The following FADS2 variants were observed in gnomAD, a reference collection of about 807,000 sequenced individuals.
The protein encoded by FADS2 is fatty acid desaturase 2.
FADS2 carries 18 observed loss-of-function variants against 61.2 expected under a neutral mutation model. That is an observed-to-expected ratio of 0.29 (90% CI 0.20 to 0.44). The LOEUF (loss-of-function observed/expected upper bound fraction) is 0.44. FADS2 is among the 20% of genes least tolerant of loss of function. The pLI is 1.00. For synonymous variants in FADS2, 203 were observed against 223.9 expected, an observed-to-expected ratio of 0.91 and a Z score of 0.83; for missense variants, 322 against 572.7, an observed-to-expected ratio of 0.56 and a Z score of 4.47.
chr11:61,853,116 C>G (rs939752886), intron 5 of FADS2, among the ~76,000 whole-genome samples: 1 of 152,280 alleles, frequency 6.6e-6, no homozygotes, highest in African/African-American at 2.4e-5. Context: ...GATAGCACCA[C>G]TGCACTCCAG....
Position 61,862,968 on chromosome 11 carries a change from G to A in FADS2, c.883-4G>A, listed in dbSNP as rs759670963. ...GTTGCACCTAACTTCATCTTTCCCC[G>A]CAGGACCTGGCCTGGGCCGTCAGCT... On this transcript the variant is annotated splice_region_variant and splice_polypyrimidine_tract_variant and intron_variant, in intron 7 of 11. Coordinates refer to ENST00000278840, the MANE Select transcript of FADS2 (RefSeq NM_004265.4). 69 of 1,613,648 alleles carry A rather than the reference G, an allele frequency of 4.3e-5. No individual in the cohort carries two copies. The highest frequency in any genetic ancestry group is 8.8e-5 in the South Asian group (8 of 91,084).
chr11:61,828,489 C>G lies in FADS2; in HGVS notation c.99C>G (p.Thr33=), dbSNP rs149260337. ...WEEIQKHNLR[T]DRWLVIDRKV... Reference sequence around the variant, plus strand: ...AGATTCAGAAGCATAACCTGCGCACCGACAGGTGGCTGGTCATTGACCGCA... The same window carrying G: ...AGATTCAGAAGCATAACCTGCGCACGGACAGGTGGCTGGTCATTGACCGCA... Residue 33 remains threonine (T), a synonymous_variant, in exon 1 of 12, where the codon ACC becomes ACG. Transcript: ENST00000278840. The surrounding 1 kb of genome is among the most constrained non-coding windows in gnomAD (Gnocchi z 6.4). The G allele has an allele frequency of 1.2e-6, 2 of 1,612,728 alleles. No homozygotes were observed. Among genetic ancestry groups the G allele is most frequent in the East Asian group, 4.5e-5 (2 of 44,810 alleles).
chr11:61,837,801 T>A lies in FADS2; in HGVS notation c.231T>A (p.Pro77=). The change falls in exon 2 of 12, where the codon CCT becomes CCA. Residue 77 remains proline (P), a synonymous_variant. Coordinates refer to ENST00000278840, the MANE Select transcript of FADS2 (RefSeq NM_004265.4). ...AGGATGCCTTCCGCGCCTTCCACCC[T>A]GACCTGGAATTCGTGGGCAAGTTCT... ...DATDAFRAFH[P]DLEFVGKFLK... 1 of 1,613,246 alleles carries A rather than the reference T, an allele frequency of 6.2e-7. No individual in the cohort carries two copies. The highest frequency in any genetic ancestry group is 8.5e-7 in the Non-Finnish European group (1 of 1,179,618).
upstream of FADS2, chr11:61,826,134 C>G (rs2067083286): frequency 1.4e-6 from 1 of 702,550 alleles, no homozygotes; most frequent in African/African-American, 1.7e-5. Flanking sequence ...AAGCCTCCTC[C>G]ATGGTAAAGT....
At chr11:61,848,313 G>C (rs1248054440) in intron 5 of FADS2, 29 bp downstream of exon 5, 1 of 1,610,868 alleles carries the variant, frequency 6.2e-7, no homozygotes, top group African/African-American at 1.3e-5. Context: ...TGTTGACCTA[G>C]GAAGTGTTTG....
intron 1 of FADS2, among the ~76,000 whole-genome samples, chr11:61,832,723 G>A (rs1221873760): frequency 6.6e-6 from 1 of 152,194 alleles, no homozygotes; most frequent in African/African-American, 2.4e-5. Context: ...CAGCATCCCT[G>A]TCTTGCTCTT....
chr11:61,863,494 C>A, intron 9 of FADS2, 116 bp downstream of exon 9: 1 of 870,672 alleles, frequency 1.1e-6, no homozygotes, highest in Non-Finnish European at 1.9e-6. Context: ...TGCCTGTGTC[C>A]TTTTGCTGGG....
intron 1 of FADS2, among the ~76,000 whole-genome samples, chr11:61,831,413 T>A (rs548164088): frequency 5.5e-4 from 84 of 152,208 alleles, no homozygotes; most frequent in African/African-American, 2.0e-3. Flanking sequence ...AACACAAGGC[T>A]GGAAACAGGT....
intron 4 of FADS2, among the ~76,000 whole-genome samples, chr11:61,841,867 T>A (rs779746341): frequency 2.6e-5 from 4 of 151,698 alleles, no homozygotes; most frequent in Non-Finnish European, 5.9e-5. Flanking sequence ...AGTGCAGGAG[T>A]TAAGGAAGTT....
rs201127028 is a variant in FADS2, at chr11:61,862,926, G to A, written c.883-46G>A. On this transcript the variant is annotated intron_variant, in intron 7 of 11. Transcript: ENST00000278840. ...ATCTGGGGCACGCACTTGGTGCCAG[G>A]GCAGAGGAGAGGGCAGGTTGCACCT... 33 of 1,502,860 alleles carry A rather than the reference G, an allele frequency of 2.2e-5. No homozygotes were observed. The Admixed American group carries it at 4.5e-4, about 21-fold the overall frequency. 93.1% of individuals were successfully genotyped at this position (1,502,860 alleles called of 1,614,324 possible). A position where few individuals can be genotyped will look rare whatever the true frequency, so the allele number is the denominator to read the frequency against.
At chr11:61,859,896 G>C (rs1391965657) in intron 7 of FADS2, among the ~76,000 whole-genome samples, 1 of 152,232 alleles carries the variant, frequency 6.6e-6, no homozygotes, top group East Asian at 1.9e-4. Flanking sequence ...TGAGGCAGGA[G>C]AATTGCTTGA....
chr11:61,846,415 T>TTA (rs1565332260), intron 4 of FADS2, among the ~76,000 whole-genome samples: 1 of 134,792 alleles, frequency 7.4e-6, no homozygotes, highest in African/African-American at 2.9e-5. Flanking sequence ...TGACTTTTTT[T>TTA]TTTTTTTTCT....
intron 1 of FADS2, among the ~76,000 whole-genome samples, chr11:61,817,586 C>A (rs1449192631): frequency 6.6e-6 from 1 of 152,050 alleles, no homozygotes; most frequent in Non-Finnish European, 1.5e-5. Context: ...GAGTGATGAT[C>A]CTAGCGTCTC....
Position 61,865,178 on chromosome 11 carries a change from A to G in FADS2, c.1184A>G (p.Asn395Ser), listed in dbSNP as rs1373621717. Reference sequence around the variant, plus strand: ...CTCTTCCCCACCATGCCCCGGCACAACTTACACAAGATCGCCCCGCTGGTG... The same window carrying G: ...CTCTTCCCCACCATGCCCCGGCACAGCTTACACAAGATCGCCCCGCTGGTG... ...HHLFPTMPRHNLHKIAPLVKS... is the reference protein window; with the variant it reads ...HHLFPTMPRHSLHKIAPLVKS... Residue 395 changes from asparagine (N) to serine (S), a missense_variant, in exon 11 of 12, where the codon AAC (asparagine) becomes AGC (serine). This residue lies in a region of FADS2 where 221 missense variants were observed against 427.9 expected (regional missense o/e 0.52). Coordinates refer to ENST00000278840, the MANE Select transcript of FADS2 (RefSeq NM_004265.4). The surrounding 1 kb of genome is among the most constrained non-coding windows in gnomAD (Gnocchi z 4.1). 5.0e-6 allele frequency: 8 copies of G among 1,613,738 alleles called. No homozygotes were observed. Among genetic ancestry groups the G allele is most frequent in the Non-Finnish European group, 5.9e-6 (7 of 1,179,978 alleles).
chr11:61,818,404 C>T (rs936014485), intron 1 of FADS2, among the ~76,000 whole-genome samples: 2 of 152,164 alleles, frequency 1.3e-5, no homozygotes, highest in African/African-American at 2.4e-5. Flanking sequence ...AAACCTTGCC[C>T]AACAACTTGG....
Position 61,865,926 on chromosome 11 carries a change from A to G in FADS2, c.*237A>G. 1 of 566,130 alleles carries G rather than the reference A, an allele frequency of 1.8e-6. No homozygotes were observed. The highest frequency in any genetic ancestry group is 3.2e-6 in the Non-Finnish European group (1 of 317,112). 35.1% of individuals were successfully genotyped at this position (566,130 alleles called of 1,614,324 possible). Reference sequence around the variant, plus strand: ...GTCAGCCATCAGCCATGGCCCTCCCAGTGCCTCCTAGCCCCTTCTTCCAAG... The same window carrying G: ...GTCAGCCATCAGCCATGGCCCTCCCGGTGCCTCCTAGCCCCTTCTTCCAAG... On this transcript the variant is annotated 3_prime_UTR_variant, in exon 12 of 12. Transcript: ENST00000278840. This position sits in a 1 kb window ranked among gnomAD's most constrained non-coding sequence, Gnocchi z 4.1.
rs1374134976 is a variant in FADS2, at chr11:61,816,721, T to C, written c.141+295T>C. The C allele has an allele frequency of 2.6e-6, 4 of 1,566,866 alleles. No homozygotes were observed. The highest frequency in any genetic ancestry group is 3.5e-6 in the Non-Finnish European group (4 of 1,156,706). On this transcript the variant is annotated intron_variant, in intron 1 of 11. Coordinates refer to the FADS2 transcript ENST00000257261. This position sits in a 1 kb window ranked among gnomAD's most constrained non-coding sequence, Gnocchi z 7.0. The stretch of plus-strand genomic sequence containing the variant: ...GGTGAAGTAGCGCGGGGTAGGTCCC[T>C]GAGCCGCGGTCTCGGCGGCCACCGG...
chr11:61,837,371 A>G (rs1460412625), intron 1 of FADS2, among the ~76,000 whole-genome samples: 1 of 152,206 alleles, frequency 6.6e-6, no homozygotes, highest in African/African-American at 2.4e-5. Context: ...AGGAACTAGT[A>G]AGAGATGGTG....
upstream of FADS2, among the ~76,000 whole-genome samples, chr11:61,824,512 AAAG>A (rs2067065363): frequency 8.2e-6 from 1 of 122,364 alleles, no homozygotes; most frequent in African/African-American, 2.8e-5. Context: ...GGAAAGAAAG[AAAG>A]AAAGAAAGAA....
Sources: gnomAD v4.1 joint callset for allele counts (sites outside exome capture counted in the v4.1 genomes callset) on GRCh38, gnomAD v4.1.1 for gene constraint, gnomAD v4.1.1 regional missense constraint, Gnocchi (gnomAD v3.1) non-coding constraint, MANE v1.5 for transcripts, NCBI Gene and HGNC (gene_info 2026-07-23, HGNC 2026-07-21) for gene names.